ABCB1: variants seen among roughly 807,000 people sequenced by gnomAD.
ABCB1 encodes ATP-dependent translocase ABCB1.
ABCB1 carries 69 observed loss-of-function variants against 142.0 expected under a neutral mutation model. The ratio of observed to expected loss-of-function variants is 0.49; its 90% CI spans 0.40 to 0.59. ABCB1 has a LOEUF of 0.59. Among genes scored for constraint, ABCB1 ranks in the 20% least tolerant of loss-of-function variants. The pLI is 0.00. For synonymous variants in ABCB1, 532 were observed against 539.2 expected, an observed-to-expected ratio of 0.99 and a Z score of 0.18; for missense variants, 1,326 against 1,554.7, an observed-to-expected ratio of 0.85 and a Z score of 2.47.
At chr7:87,585,490 T>C in intron 4 of ABCB1, 22 bp downstream of exon 4, 1 of 1,612,226 alleles carries the variant, frequency 6.2e-7, no homozygotes, top group Non-Finnish European at 8.5e-7. Context: ...TCCAATAAAA[T>C]TGGTACACAA....
chr7:87,602,403 G>A (rs971273626), upstream of ABCB1, among the ~76,000 whole-genome samples: 5 of 140,916 alleles, frequency 3.5e-5, no homozygotes, highest in African/African-American at 1.1e-4. Flanking sequence ...ATTGTTCACT[G>A]TTTAAAGGCT....
At position 87,503,600 on chromosome 7, in the gene ABCB1, C is replaced by T. The variant is rs1055302; in HGVS notation, c.*643G>A. The T allele has an allele frequency of 0.19, 29,212 of 154,150 alleles. 3,255 individuals carry two copies. Among genetic ancestry groups the T allele is most frequent in the African/African-American group, 0.31 (12,732 of 41,454 alleles). 9.5% of individuals were successfully genotyped at this position (154,150 alleles called of 1,614,324 possible). ...CACCCCACCTCCTAAAATCTTATAT[C>T]GATCTGTGTTTTGGGTTTGAGAGCC... is the stretch of plus-strand genomic sequence containing the variant. On this transcript the variant is annotated 3_prime_UTR_variant, in exon 28 of 28. Transcript: ENST00000622132.
chr7:87,626,846 G>A (rs999367123), intron 1 of ABCB1, among the ~76,000 whole-genome samples: 2 of 151,730 alleles, frequency 1.3e-5, no homozygotes, highest in Non-Finnish European at 2.9e-5. Flanking sequence ...CGCAGTCTCC[G>A]CTCACTGCAA....
chr7:87,663,641 T>C (rs1824936338), intron 1 of ABCB1, among the ~76,000 whole-genome samples: 1 of 152,186 alleles, frequency 6.6e-6, no homozygotes, highest in Admixed American at 6.6e-5. Context: ...AAAATCTTAC[T>C]GAACTTAGGA....
chr7:87,542,358 G>C (rs1052038917), intron 17 of ABCB1, among the ~76,000 whole-genome samples: 1 of 152,124 alleles, frequency 6.6e-6, no homozygotes, highest in Non-Finnish European at 1.5e-5. Flanking sequence ...CCAGAAGTAT[G>C]ATTTATTATC....
chr7:87,704,239 T>C (rs1279940286), intron 1 of ABCB1, among the ~76,000 whole-genome samples: 2 of 152,086 alleles, frequency 1.3e-5, no homozygotes, highest in African/African-American at 4.8e-5. Flanking sequence ...CCTTTTATGT[T>C]TTCTTTATGG....
At chr7:87,660,039 C>A (rs1007773001) in intron 1 of ABCB1, among the ~76,000 whole-genome samples, 48 of 152,028 alleles carry the variant, frequency 3.2e-4, no homozygotes, top group Non-Finnish European at 4.0e-4. Flanking sequence ...GGTTTAGGTT[C>A]TGTGTTTATG....
intron 19 of ABCB1, among the ~76,000 whole-genome samples, chr7:87,537,810 T>C: frequency 6.6e-6 from 1 of 152,360 alleles, no homozygotes; most frequent in Middle Eastern, 3.4e-3. Flanking sequence ...AATACACAGA[T>C]ACTAACATGA....
At chr7:87,690,287 C>A (rs1827890202) in intron 1 of ABCB1, among the ~76,000 whole-genome samples, 1 of 151,944 alleles carries the variant, frequency 6.6e-6, no homozygotes, top group African/African-American at 2.4e-5. Context: ...TAGTTGATTG[C>A]CATTGTTCAT....
chr7:87,569,411 C>T (rs1817941649), intron 5 of ABCB1, among the ~76,000 whole-genome samples: 1 of 150,732 alleles, frequency 6.6e-6, no homozygotes, highest in Non-Finnish European at 1.5e-5. Flanking sequence ...TCATTTTCTT[C>T]TGATTCACCT....
intron 1 of ABCB1, among the ~76,000 whole-genome samples, chr7:87,639,749 C>G (rs1187007938): frequency 1.3e-5 from 2 of 151,946 alleles, no homozygotes; most frequent in Non-Finnish European, 2.9e-5. Flanking sequence ...CTTTTTCCAT[C>G]TTTTACTTTT....
At chr7:87,560,071 A>G (rs1241727255) in intron 8 of ABCB1, among the ~76,000 whole-genome samples, 1 of 152,104 alleles carries the variant, frequency 6.6e-6, no homozygotes, top group Non-Finnish European at 1.5e-5. Context: ...CAACTGGTGT[A>G]TTACCTATTT....
intron 1 of ABCB1, among the ~76,000 whole-genome samples, chr7:87,689,180 T>A (rs528574052): frequency 6.6e-6 from 1 of 152,242 alleles, no homozygotes; most frequent in Non-Finnish European, 1.5e-5. Context: ...ATCTGAGATT[T>A]TTTTGAATGT....
At chr7:87,702,180 A>G (rs1829141400) in intron 1 of ABCB1, among the ~76,000 whole-genome samples, 1 of 145,420 alleles carries the variant, frequency 6.9e-6, no homozygotes. Flanking sequence ...AAACAGAGAT[A>G]CTTTTCTCAC....
chr7:87,513,865 G>A (rs1180770365), intron 25 of ABCB1, among the ~76,000 whole-genome samples: 1 of 152,128 alleles, frequency 6.6e-6, no homozygotes, highest in Admixed American at 6.5e-5. Context: ...ATAACTGTCT[G>A]TTGAGGGCCA....
chr7:87,592,327 T>C (rs1349878810), intron 3 of ABCB1, among the ~76,000 whole-genome samples: 4 of 152,218 alleles, frequency 2.6e-5, no homozygotes, highest in African/African-American at 9.6e-5. Context: ...ACTAAAACTC[T>C]GTCATAACTG....
At chr7:87,664,712 A>C (rs1195288488) in intron 1 of ABCB1, among the ~76,000 whole-genome samples, 2 of 152,180 alleles carry the variant, frequency 1.3e-5, no homozygotes, top group Non-Finnish European at 2.9e-5. Context: ...TCTGAAGAAC[A>C]GAACAGGAAG....
chr7:87,595,144 T>C (rs1314584277), intron 3 of ABCB1, among the ~76,000 whole-genome samples: 1 of 152,070 alleles, frequency 6.6e-6, no homozygotes, highest in African/African-American at 2.4e-5. Context: ...CCAAGTGTGA[T>C]TAAAGAAAAG....
chr7:87,585,215 C>T lies in ABCB1; in HGVS notation c.286+297G>A, dbSNP rs28381826. ...AATCTCACAACAGATTCCTACTTAT[C>T]ATTCAAGGTTCTAATTAAGTTCCTA... On this transcript the variant is annotated intron_variant, in intron 4 of 27. Transcript: ENST00000622132. 4.7e-3 allele frequency among the ~76,000 whole-genome samples: 711 copies of T among 152,330 alleles called. 5 individuals carry two copies. The highest frequency in any genetic ancestry group is 0.016 in the African/African-American group (672 of 41,580).
Sources: allele counts gnomAD v4.1 joint callset (sites outside exome capture counted in the v4.1 genomes callset), GRCh38; gene constraint gnomAD v4.1.1; transcripts MANE v1.5; gene names NCBI Gene and HGNC (gene_info 2026-07-23, HGNC 2026-07-21).